The following ZFP92 variants were observed in gnomAD, a reference collection of about 807,000 sequenced individuals.
The protein encoded by ZFP92 is zinc finger protein 92 homolog.
In ZFP92, 2 loss-of-function variants were observed where a neutral mutation model predicts 7.6. The ratio of observed to expected loss-of-function variants is 0.26; its 90% CI spans 0.11 to 0.83. The LOEUF (loss-of-function observed/expected upper bound fraction) is 0.83, where lower values mean the gene tolerates loss of function less well. Ranked by LOEUF, ZFP92 falls within the 40% of genes least tolerant of loss-of-function variation. The pLI, the probability that ZFP92 is intolerant of heterozygous loss-of-function variation, is 0.65. For missense variants in ZFP92, 324 were observed against 408.3 expected (o/e 0.79, Z 1.78); for synonymous variants, 226 against 183.6 (o/e 1.23, Z -1.87).
At position 153,411,969 on chromosome X, in the gene ZFP92, C is replaced by A. The variant is rs984563893; in HGVS notation, c.-63C>A. Among the ~76,000 whole-genome samples, 1 of 112,774 alleles carries A rather than the reference C, an allele frequency of 8.9e-6. No homozygotes were observed. Among genetic ancestry groups the A allele is most frequent in the African/African-American group, 3.2e-5 (1 of 31,074 alleles). On this transcript the variant is annotated 5_prime_UTR_variant, in exon 2 of 6. Transcript: ENST00000338647. ...TCTCTCCTGATTGGTTTCCAGCCAC[C>A]GGTCCCGAGGCTGGCTAAAGAGCAT... is the stretch of plus-strand genomic sequence containing the variant.
At position 153,413,936 on chromosome X, in the gene ZFP92, G is replaced by A. The variant is rs1255175410; in HGVS notation, c.-19+1923G>A. On this transcript the variant is annotated intron_variant, in intron 2 of 5. Coordinates refer to ENST00000338647, the MANE Select transcript of ZFP92 (RefSeq NM_001136273.2). ...CTTCCGATGCTGCACTTGAGTGCGG[G>A]TCTCCGTCTCTGGGCGGCCTCCCGC... Among the ~76,000 whole-genome samples, 3 of 112,391 alleles carry A rather than the reference G, an allele frequency of 2.7e-5. No homozygotes were observed. The East Asian group carries it at 8.4e-4, about 32-fold the overall frequency.
intron 4 of ZFP92, among the ~76,000 whole-genome samples, 189 bp from the exon 5 acceptor site, chrX:153,420,039 C>T (rs1008810196): frequency 2.7e-5 from 3 of 112,607 alleles, no homozygotes; most frequent in African/African-American, 9.7e-5. Flanking sequence ...CCGTGCCCAC[C>T]TGGCCCTGGA....
At chrX:153,419,222 G>T (rs1349812943) in intron 4 of ZFP92, among the ~76,000 whole-genome samples, 1 of 112,626 alleles carries the variant, frequency 8.9e-6, no homozygotes, top group Admixed American at 9.3e-5. Context: ...TCCTTCCATT[G>T]ACCAGGGAGG....
chrX:153,413,941 C>G (rs782221089), intron 2 of ZFP92, among the ~76,000 whole-genome samples: 1 of 112,374 alleles, frequency 8.9e-6, no homozygotes, highest in African/African-American at 3.2e-5. Flanking sequence ...TGCGGGTCTC[C>G]GTCTCTGGGC....
chrX:153,421,217 C>A lies in ZFP92; in HGVS notation c.840C>A (p.Ile280=). Residue 280 remains isoleucine (I), a synonymous_variant, in exon 6 of 6, where the codon ATC becomes ATA. Coordinates refer to ENST00000338647, the MANE Select transcript of ZFP92 (RefSeq NM_001136273.2). ...GKAFSRSSNL[I]EHQRTHRGEK... Reference sequence around the variant, plus strand: ...CCTTCAGCCGCAGCTCCAACCTCATCGAGCACCAGCGCACGCACCGCGGCG... The same window carrying A: ...CCTTCAGCCGCAGCTCCAACCTCATAGAGCACCAGCGCACGCACCGCGGCG... 8.4e-7 allele frequency: 1 copy of A among 1,183,817 alleles called. No homozygotes were observed. The highest frequency in any genetic ancestry group is 1.1e-6 in the Non-Finnish European group (1 of 882,015).
At position 153,423,189 on chromosome X, in the gene ZFP92, T is replaced by G. The variant is rs1380338661; in HGVS notation, c.*1561T>G. 9.0e-6 allele frequency: 1 copy of G among 110,937 alleles called. No homozygotes were observed. The highest frequency in any genetic ancestry group is 1.9e-5 in the Non-Finnish European group (1 of 52,789). 9.1% of individuals were successfully genotyped at this position (110,937 alleles called of 1,213,427 possible). On this transcript the variant is annotated 3_prime_UTR_variant, in exon 6 of 6. Coordinates refer to ENST00000338647, the MANE Select transcript of ZFP92 (RefSeq NM_001136273.2). ...GCGTCCTGGTCAGCGGCCACCTCCT[T>G]CCAGCCCTGTCCCCTCCCAGGGGAG...
At position 153,423,982 on chromosome X, in the gene ZFP92, G is replaced by A. The variant is rs1464922558; in HGVS notation, c.*2354G>A. ...ATACCCATTTCCGTTGTTCTAGGAGGTAAATGATTTCGTTCCTACAAGCCA... is the reference window on the plus strand; with the variant it reads ...ATACCCATTTCCGTTGTTCTAGGAGATAAATGATTTCGTTCCTACAAGCCA... On this transcript the variant is annotated 3_prime_UTR_variant, in exon 6 of 6. Coordinates refer to ENST00000338647, the MANE Select transcript of ZFP92 (RefSeq NM_001136273.2). 1 of 112,684 alleles carries A rather than the reference G, an allele frequency of 8.9e-6. No individual in the cohort carries two copies. Among genetic ancestry groups the A allele is most frequent in the East Asian group, 2.8e-4 (1 of 3,610 alleles). The allele number at this position is 112,684 out of a possible 1,213,427, so 9.3% of individuals were successfully genotyped here. A position where few individuals can be genotyped will look rare whatever the true frequency, so the allele number is the denominator to read the frequency against.
At position 153,424,235 on chromosome X, in the gene ZFP92, G is replaced by A. The variant is rs1446015593; in HGVS notation, c.*2607G>A. On this transcript the variant is annotated 3_prime_UTR_variant, in exon 6 of 6. Coordinates refer to ENST00000338647, the MANE Select transcript of ZFP92 (RefSeq NM_001136273.2). ...ACTTGCACTGTGACTTTGGAGTGCCGGGAAAAGTTCCAGGGTCCCCAGTGC... is the reference window on the plus strand; with the variant it reads ...ACTTGCACTGTGACTTTGGAGTGCCAGGAAAAGTTCCAGGGTCCCCAGTGC... 1.8e-5 allele frequency: 2 copies of A among 111,591 alleles called. No individual in the cohort carries two copies. Among genetic ancestry groups the A allele is most frequent in the East Asian group, 5.6e-4 (2 of 3,566 alleles). The allele number at this position is 111,591 out of a possible 1,213,427, so 9.2% of individuals were successfully genotyped here.
rs2089030120 is a variant in ZFP92 at position 153,424,542 on chromosome X, G to A, written c.*2914G>A. 8.9e-6 allele frequency: 1 copy of A among 112,203 alleles called. No individual in the cohort carries two copies. The highest frequency in any genetic ancestry group is 1.9e-5 in the Non-Finnish European group (1 of 53,245). 9.2% of individuals were successfully genotyped at this position (112,203 alleles called of 1,213,427 possible). A position where few individuals can be genotyped will look rare whatever the true frequency, so the allele number is the denominator to read the frequency against. Reference sequence around the variant, plus strand: ...GGAGGGTATAGCCCAAGCTTGCTTTGTGATGGACAGCTAGAATGTAAAAGC... The same window carrying A: ...GGAGGGTATAGCCCAAGCTTGCTTTATGATGGACAGCTAGAATGTAAAAGC... On this transcript the variant is annotated 3_prime_UTR_variant, in exon 6 of 6. Transcript: ENST00000338647.
At chrX:153,416,126 G>T (rs781970663) in intron 2 of ZFP92, among the ~76,000 whole-genome samples, 20 of 111,331 alleles carry the variant, frequency 1.8e-4, no homozygotes, top group South Asian at 7.7e-4. Context: ...GGTCAGGCAG[G>T]TTGCTTCCTT....
chrX:153,421,302 C>T lies in ZFP92; in HGVS notation c.925C>T (p.His309Tyr). The change falls in exon 6 of 6, where the codon CAC (histidine) becomes TAC (tyrosine). Residue 309 changes from histidine to tyrosine, a missense_variant. Transcript: ENST00000338647. Reference protein sequence around the residue: ...KAFKGVSQLIHHQRSHSGERP... With the variant: ...KAFKGVSQLIYHQRSHSGERP... The stretch of plus-strand genomic sequence containing the variant: ...CTTCAAGGGCGTCTCGCAGCTCATC[C>T]ACCACCAGCGCAGCCACAGCGGCGA... 1 of 1,170,006 alleles carries T rather than the reference C, an allele frequency of 8.5e-7. No homozygotes were observed. Among genetic ancestry groups the T allele is most frequent in the Non-Finnish European group, 1.1e-6 (1 of 876,765 alleles).
chrX:153,420,394 G>A, intron 5 of ZFP92, 62 bp downstream of exon 5: 1 of 1,006,430 alleles, frequency 9.9e-7, no homozygotes, highest in Non-Finnish European at 1.3e-6. Flanking sequence ...GTGGCAAAGG[G>A]GGCGGGGGAG....
chrX:153,418,389 C>T (rs1412193291), intron 3 of ZFP92, 34 bp downstream of exon 3: 2 of 1,161,652 alleles, frequency 1.7e-6, no homozygotes, highest in Non-Finnish European at 2.3e-6. Flanking sequence ...GCCTCTCCCC[C>T]TGGCAGCCCC....
intron 4 of ZFP92, among the ~76,000 whole-genome samples, chrX:153,419,440 G>C (rs1362397132): frequency 8.9e-6 from 1 of 112,678 alleles, no homozygotes; most frequent in Non-Finnish European, 1.9e-5. Context: ...AGGTTTTCAG[G>C]TGGGGTAAAG....
At chrX:153,412,140 G>GCCAC (rs1556973078) in intron 2 of ZFP92, among the ~76,000 whole-genome samples, 127 bp downstream of exon 2, 1 of 112,796 alleles carries the variant, frequency 8.9e-6, no homozygotes, top group Admixed American at 9.3e-5. Context: ...CCAAAATTGT[G>GCCAC]CTCCAGAGGG....
In ZFP92 at chrX:153,420,899, C is replaced by T; in HGVS notation, c.522C>T (p.His174=). The change falls in exon 6 of 6, where the codon CAC becomes CAT. Residue 174 remains histidine, a synonymous_variant. Coordinates refer to ENST00000338647, the MANE Select transcript of ZFP92 (RefSeq NM_001136273.2). ...SSNLIKHRII[H]SGEKPYACPE... is the part of the protein sequence containing the mutation. ...ACCTCATCAAGCACCGCATCATCCA[C>T]AGTGGCGAGAAGCCTTACGCGTGCC... 1 of 1,189,639 alleles carries T rather than the reference C, an allele frequency of 8.4e-7. No individual in the cohort carries two copies. The highest frequency in any genetic ancestry group is 1.1e-6 in the Non-Finnish European group (1 of 884,237).
Position 153,421,253 on chromosome X carries a change from C to T in ZFP92, c.876C>T (p.Tyr292=), listed in dbSNP as rs1556975062. ...HQRTHRGEKP[Y]ACGQCAKAFK... ...GCACGCACCGCGGCGAGAAGCCCTA[C>T]GCCTGCGGCCAGTGCGCCAAGGCCT... Residue 292 remains tyrosine (Y), a synonymous_variant, in exon 6 of 6, where the codon TAC becomes TAT. Transcript: ENST00000338647. The T allele has an allele frequency of 1.7e-6, 2 of 1,175,594 alleles. No homozygotes were observed. The highest frequency in any genetic ancestry group is 3.2e-5 in the East Asian group (1 of 31,544).
chrX:153,414,895 C>G (rs1017618962), intron 2 of ZFP92, among the ~76,000 whole-genome samples: 5 of 112,147 alleles, frequency 4.5e-5, no homozygotes, highest in African/African-American at 1.6e-4. Flanking sequence ...ATGACAGGAC[C>G]CTGGGATAGA....
chrX:153,417,838 G>A lies in ZFP92; in HGVS notation c.-18-467G>A, dbSNP rs782694743. Among the ~76,000 whole-genome samples the A allele has an allele frequency of 7.1e-5, 8 of 111,891 alleles. No individual in the cohort carries two copies. The South Asian group carries it at 1.5e-3, about 21-fold the overall frequency. Reference sequence around the variant, plus strand: ...TTTGCAGCTGTAATCAAGGTAAGATGAGGTCATACTGTAGGAGCAGGGTGG... The same window carrying A: ...TTTGCAGCTGTAATCAAGGTAAGATAAGGTCATACTGTAGGAGCAGGGTGG... On this transcript the variant is annotated intron_variant, in intron 2 of 5. Transcript: ENST00000338647.
Sources: gnomAD v4.1 joint callset for allele counts (sites outside exome capture counted in the v4.1 genomes callset) on GRCh38, gnomAD v4.1.1 for gene constraint, MANE v1.5 for transcripts, NCBI Gene and HGNC (gene_info 2026-07-23, HGNC 2026-07-21) for gene names.